TOP1: variants seen among roughly 807,000 people sequenced by gnomAD.
The protein encoded by TOP1 is DNA topoisomerase 1.
Under a neutral mutation model 111.1 loss-of-function variants are expected in TOP1, and 10 were observed. The observed-to-expected ratio is 0.09, with a 90% CI of 0.06 to 0.15. TOP1 has a LOEUF of 0.15. TOP1 is among the 10% of genes least tolerant of loss of function. The pLI, the probability that TOP1 is intolerant of heterozygous loss-of-function variation, is 1.00. For synonymous variants in TOP1, 271 were observed against 302.9 expected (o/e 0.89, Z 1.10); for missense variants, 474 against 926.7 (o/e 0.51, Z 6.34).
At position 41,029,033 on chromosome 20, in the gene TOP1, C is replaced by T. The variant is rs778430860; in HGVS notation, c.-35C>T. ...GCCGTCTGCGTCTCCCCCACGCCGC[C>T]TCGCCTGCCGCCGCGCTCGTCCCTC... On this transcript the variant is annotated 5_prime_UTR_variant, in exon 1 of 21. Transcript: ENST00000361337. The surrounding 1 kb of genome is among the most constrained non-coding windows in gnomAD (Gnocchi z 6.1). The T allele has an allele frequency of 2.6e-6, 4 of 1,541,232 alleles. No individual in the cohort carries two copies. The highest frequency in any genetic ancestry group is 3.5e-6 in the Non-Finnish European group (4 of 1,148,222).
rs992600714 is a variant in TOP1 at position 41,109,795 on chromosome 20, T to A, written c.1309-2987T>A. ...AATTCCAGTTCTAGGTATTTTTACC[T>A]CAAGTGAAATAAAAACATTTATCCA... On this transcript the variant is annotated intron_variant, in intron 13 of 20. Transcript: ENST00000361337. This position sits in a 1 kb window ranked among gnomAD's most constrained non-coding sequence, Gnocchi z 4.1. 6.6e-6 allele frequency among the ~76,000 whole-genome samples: 1 copy of A among 152,172 alleles called. No homozygotes were observed. The highest frequency in any genetic ancestry group is 1.5e-5 in the Non-Finnish European group (1 of 68,032).
chr20:41,043,123 CTTG>C (rs1383072189), intron 2 of TOP1, among the ~76,000 whole-genome samples: 3 of 152,322 alleles, frequency 2.0e-5, no homozygotes, highest in East Asian at 1.9e-4. Flanking sequence ...TGTTTGAAAA[CTTG>C]TTGGACATGC....
chr20:41,117,026 T>C lies in TOP1; in HGVS notation c.1822+634T>C, dbSNP rs368930689. Among the ~76,000 whole-genome samples the C allele has an allele frequency of 7.2e-5, 11 of 152,304 alleles. No homozygotes were observed. The South Asian group carries it at 1.2e-3, about 17-fold the overall frequency. ...ACACTATACAAATAAAAACAATTTT[T>C]TTGGATGGCATTTTTAATTTTTCTT... is the stretch of plus-strand genomic sequence containing the variant. On this transcript the variant is annotated intron_variant, in intron 17 of 20. Transcript: ENST00000361337.
At chr20:41,055,051 C>G (rs1037352281) in intron 2 of TOP1, among the ~76,000 whole-genome samples, 2 of 152,192 alleles carry the variant, frequency 1.3e-5, no homozygotes, top group Non-Finnish European at 2.9e-5. Flanking sequence ...GGAGTAACTC[C>G]AGTTAAATTA....
chr20:41,086,678 T>C (rs2033852919), intron 8 of TOP1, among the ~76,000 whole-genome samples: 1 of 152,252 alleles, frequency 6.6e-6, no homozygotes, highest in Non-Finnish European at 1.5e-5. Flanking sequence ...TTGCCACACA[T>C]TCACTCTGAC....
intron 2 of TOP1, among the ~76,000 whole-genome samples, chr20:41,040,821 A>G (rs1165436520): frequency 6.6e-6 from 1 of 151,802 alleles, no homozygotes; most frequent in East Asian, 1.9e-4. Context: ...AAAAAAAAAA[A>G]AAAGACCATG....
chr20:41,096,477 G>A (rs1382275345), intron 9 of TOP1, among the ~76,000 whole-genome samples: 1 of 152,226 alleles, frequency 6.6e-6, no homozygotes, highest in Non-Finnish European at 1.5e-5. Flanking sequence ...TGGTACCCAT[G>A]TTCCAGAGCA....
intron 14 of TOP1, 136 bp from the exon 15 acceptor site, chr20:41,113,834 A>G (rs2034284756): frequency 1.6e-6 from 1 of 632,950 alleles, no homozygotes; most frequent in East Asian, 2.9e-5. Context: ...AGTGAGCCAA[A>G]ATTGCGCCAT....
At chr20:41,089,020 C>CTTTGTTTTTTTTT (rs2033883494) in intron 8 of TOP1, among the ~76,000 whole-genome samples, 1 of 77,926 alleles carries the variant, frequency 1.3e-5, no homozygotes, top group Non-Finnish European at 2.2e-5. Context: ...TGCCCCAGTT[C>CTTTGTTTTTTTTT]TTTTTTTTTT....
rs1437564334 is a variant in TOP1 at position 41,078,832 on chromosome 20, G to A, written c.335+1195G>A. Among the ~76,000 whole-genome samples the A allele has an allele frequency of 6.6e-6, 1 of 152,186 alleles. No homozygotes were observed. Among genetic ancestry groups the A allele is most frequent in the African/African-American group, 2.4e-5 (1 of 41,450 alleles). ...TTTGCTGGACTCCTTGCTGGCTTGTGTATATGTCTTTGTAGAGAATCCAGA... is the reference window on the plus strand; with the variant it reads ...TTTGCTGGACTCCTTGCTGGCTTGTATATATGTCTTTGTAGAGAATCCAGA... On this transcript the variant is annotated intron_variant, in intron 5 of 20. Coordinates refer to ENST00000361337, the MANE Select transcript of TOP1 (RefSeq NM_003286.4). The surrounding 1 kb of genome is among the most constrained non-coding windows in gnomAD (Gnocchi z 5.3).
chr20:41,103,093 ATAC>A (rs1030684220), intron 13 of TOP1, among the ~76,000 whole-genome samples: 1 of 152,250 alleles, frequency 6.6e-6, no homozygotes, highest in African/African-American at 2.4e-5. Context: ...CATTGTGGAT[ATAC>A]TACTAAATGT....
At chr20:41,093,218 T>G (rs1253328260) in intron 9 of TOP1, among the ~76,000 whole-genome samples, 1 of 152,204 alleles carries the variant, frequency 6.6e-6, no homozygotes, top group Non-Finnish European at 1.5e-5. Flanking sequence ...TTGAAGGATT[T>G]GAGGGTAGCC....
rs1438907805 is a variant in TOP1 at position 41,123,327 on chromosome 20, AG to A, written c.*32del. On this transcript the variant is annotated 3_prime_UTR_variant, in exon 21 of 21. Coordinates refer to ENST00000361337, the MANE Select transcript of TOP1 (RefSeq NM_003286.4). The surrounding 1 kb of genome is among the most constrained non-coding windows in gnomAD (Gnocchi z 5.8). ...TCTCAAGAGGCAGAGTTCTGTGAAG[AG>A]GAACAGTGTGGTTTGGGAAAGATGG... The A allele has an allele frequency of 6.5e-7, 1 of 1,528,806 alleles. No individual in the cohort carries two copies. Among genetic ancestry groups the A allele is most frequent in the Non-Finnish European group, 9.1e-7 (1 of 1,103,036 alleles). 94.7% of individuals were successfully genotyped at this position (1,528,806 alleles called of 1,614,324 possible). A position where few individuals can be genotyped will look rare whatever the true frequency, so the allele number is the denominator to read the frequency against.
At chr20:41,077,980 A>G (rs2033749433) in intron 5 of TOP1, among the ~76,000 whole-genome samples, 1 of 146,482 alleles carries the variant, frequency 6.8e-6, no homozygotes, top group African/African-American at 2.5e-5. Flanking sequence ...TAGTATATTC[A>G]CAAGGTATTG....
At chr20:41,053,579 A>C (rs946919858) in intron 2 of TOP1, among the ~76,000 whole-genome samples, 2 of 152,222 alleles carry the variant, frequency 1.3e-5, no homozygotes, top group African/African-American at 4.8e-5. Context: ...TGTGGAAGTA[A>C]TGGTGCCCAC....
In TOP1 at chr20:41,045,781, C is replaced by T. The variant is rs756235656; in HGVS notation, c.59-15613C>T. Among the ~76,000 whole-genome samples the T allele has an allele frequency of 9.4e-4, 143 of 152,330 alleles. 1 individual carries two copies. The highest frequency in any genetic ancestry group is 2.5e-3 in the Admixed American group (39 of 15,312). On this transcript the variant is annotated intron_variant, in intron 2 of 20. Transcript: ENST00000361337. ...GTGGTAGAGAATCAAAGATTGTAGA[C>T]TACCAAATAGCACCCAAGAGGCTAA...
chr20:41,122,265 C>A lies in TOP1; in HGVS notation c.2195+110C>A. ...CCATTCCTAAGCTACACACTTTAGT[C>A]CTCTGGGGAAACTTCTGGCTTCAGC... On this transcript the variant is annotated intron_variant, in intron 20 of 20. Transcript: ENST00000361337. This position sits in a 1 kb window ranked among gnomAD's most constrained non-coding sequence, Gnocchi z 5.4. 8.5e-7 allele frequency: 1 copy of A among 1,173,814 alleles called. No homozygotes were observed. Among genetic ancestry groups the A allele is most frequent in the Non-Finnish European group, 1.2e-6 (1 of 817,236 alleles). 72.7% of individuals were successfully genotyped at this position (1,173,814 alleles called of 1,614,324 possible).
intron 2 of TOP1, among the ~76,000 whole-genome samples, chr20:41,037,073 A>C (rs955501595): frequency 1.3e-5 from 2 of 151,960 alleles, no homozygotes; most frequent in Admixed American, 1.3e-4. Context: ...CTCGTGATCC[A>C]CCAGCCTCGG....
intron 11 of TOP1, among the ~76,000 whole-genome samples, chr20:41,099,714 ACT>A (rs1482919258): frequency 1.3e-5 from 2 of 152,052 alleles, no homozygotes; most frequent in African/African-American, 4.8e-5. Flanking sequence ...TCTATCAGAG[ACT>A]CTTCTCCATT....
Sources: gnomAD v4.1 joint callset for allele counts (sites outside exome capture counted in the v4.1 genomes callset) on GRCh38, gnomAD v4.1.1 for gene constraint, Gnocchi (gnomAD v3.1) non-coding constraint, MANE v1.5 for transcripts, NCBI Gene and HGNC (gene_info 2026-07-23, HGNC 2026-07-21) for gene names.